TTLL6: variants seen among roughly 807,000 people sequenced by gnomAD.
TTLL6 encodes the protein tubulin polyglutamylase TTLL6.
A neutral mutation model predicts 96.4 loss-of-function variants in TTLL6; 75 were observed. The observed-to-expected ratio is 0.78, with a 90% CI of 0.65 to 0.94. The LOEUF is 0.94. TTLL6 is among the 40% of genes least tolerant of loss of function. TTLL6 has a pLI of 0.00. For missense variants in TTLL6, 1,030 were observed against 1,093.0 expected (o/e 0.94, Z 0.81); for synonymous variants, 411 against 419.4 (o/e 0.98, Z 0.24).
At chr17:48,816,810 A>T (rs896361642) in intron 1 of TTLL6, among the ~76,000 whole-genome samples, 160 bp downstream of exon 1, 2 of 152,102 alleles carry the variant, frequency 1.3e-5, no homozygotes, top group African/African-American at 4.8e-5. Context: ...CGTGAGGGTG[A>T]GTGCCTGGCG....
chr17:48,804,597 A>G (rs2039477422), intron 2 of TTLL6, 175 bp downstream of exon 2: 1 of 666,044 alleles, frequency 1.5e-6, no homozygotes, highest in Non-Finnish European at 2.7e-6. Context: ...TTGATTCTAT[A>G]AAACAGATCA....
At chr17:48,794,818 T>A (rs1012035153) in intron 8 of TTLL6, among the ~76,000 whole-genome samples, 1 of 152,204 alleles carries the variant, frequency 6.6e-6, no homozygotes, top group African/African-American at 2.4e-5. Flanking sequence ...CAGAGGTCCT[T>A]TGAAGCCTGG....
chr17:48,766,870 T>G (rs527586544), intron 15 of TTLL6, among the ~76,000 whole-genome samples: 27 of 152,338 alleles, frequency 1.8e-4, no homozygotes, highest in Admixed American at 1.3e-3. Flanking sequence ...AACAGGCTCC[T>G]CTGCCCAGGC....
At chr17:48,798,900 G>A (rs1254143470) in intron 6 of TTLL6, among the ~76,000 whole-genome samples, 1 of 147,762 alleles carries the variant, frequency 6.8e-6, no homozygotes, top group Non-Finnish European at 1.5e-5. Flanking sequence ...CACAATCTTG[G>A]CTCATTGCAA....
chr17:48,774,108 A>AAAAAC (rs2038815089), intron 13 of TTLL6, among the ~76,000 whole-genome samples: 7 of 130,532 alleles, frequency 5.4e-5, no homozygotes, highest in Admixed American at 8.8e-5. Context: ...AAAAAAAAAA[A>AAAAAC]AAAACAAGAA....
chr17:48,801,984 G>C (rs1056287549), intron 3 of TTLL6, among the ~76,000 whole-genome samples: 3 of 151,312 alleles, frequency 2.0e-5, no homozygotes, highest in Non-Finnish European at 4.4e-5. Context: ...AGTCGAGGCT[G>C]CAGTGAGCCG....
chr17:48,794,052 C>A, intron 8 of TTLL6: 1 of 1,185,432 alleles, frequency 8.4e-7, no homozygotes, highest in Non-Finnish European at 1.2e-6. Context: ...ACAGGCTGAG[C>A]CCAGCAAGGG....
In TTLL6 at chr17:48,800,578, C is replaced by G. The variant is rs565444584; in HGVS notation, c.611+677G>C. Among the ~76,000 whole-genome samples the G allele has an allele frequency of 2.0e-3, 299 of 152,244 alleles. 1 individual carries two copies. The highest frequency in any genetic ancestry group is 7.0e-3 in the African/African-American group (290 of 41,530). ...CAAGGAAAGTCTGAGAACCCTGGTG[C>G]TCTTGGTTTTGGAAAGCACTGGGTG... is the stretch of plus-strand genomic sequence containing the variant. On this transcript the variant is annotated intron_variant, in intron 5 of 15. Transcript: ENST00000393382.
At position 48,802,063 on chromosome 17, in the gene TTLL6, GAAAAGAAAGAAAGA is replaced by G. The variant is rs2039426768; in HGVS notation, c.362-434_362-421del. On this transcript the variant is annotated intron_variant, in intron 3 of 15. Transcript: ENST00000393382. ...TCAAAAAAAAAAGAAAGAAAGAAAA[GAAAAGAAAGAAAGA>G]AAAAGAAAGAAAGAAAGAAAGAAAG... 5.2e-5 allele frequency among the ~76,000 whole-genome samples: 5 copies of G among 97,068 alleles called. No homozygotes were observed. In the South Asian group the frequency reaches 9.6e-4, roughly 19 times the overall value. 63.7% of individuals were successfully genotyped at this position (97,068 alleles called of 152,430 possible).
intron 13 of TTLL6, among the ~76,000 whole-genome samples, chr17:48,776,366 C>T (rs2143244727): frequency 6.6e-6 from 1 of 152,246 alleles, no homozygotes; most frequent in Non-Finnish European, 1.5e-5. Context: ...GAGGCTGAGG[C>T]AGGGGAATCA....
At chr17:48,792,511 A>T (rs1027052891) in intron 8 of TTLL6, among the ~76,000 whole-genome samples, 3 of 152,198 alleles carry the variant, frequency 2.0e-5, no homozygotes, top group Admixed American at 1.3e-4. Context: ...AGGCAGTTTC[A>T]AAAGCTCACT....
At chr17:48,777,742 A>T (rs190054041) in intron 13 of TTLL6, among the ~76,000 whole-genome samples, 3,871 of 147,660 alleles carry the variant, frequency 0.026, 206 homozygotes, top group African/African-American at 0.091. Flanking sequence ...AAAAAAAAAA[A>T]ATATACAAAA....
At position 48,803,878 on chromosome 17, in the gene TTLL6, T is replaced by G. The variant is rs2039465222; in HGVS notation, c.361+13A>C. The G allele has an allele frequency of 1.3e-6, 2 of 1,551,964 alleles. No individual in the cohort carries two copies. The highest frequency in any genetic ancestry group is 1.7e-6 in the Non-Finnish European group (2 of 1,147,022). On this transcript the variant is annotated intron_variant, in intron 3 of 15. Transcript: ENST00000393382. Reference sequence around the variant, plus strand: ...GGGTCCCCATTATAGATCTCCTGAATGTAGATGCTCACCACTCTCATACCG... The same window carrying G: ...GGGTCCCCATTATAGATCTCCTGAAGGTAGATGCTCACCACTCTCATACCG...
chr17:48,765,334 C>T (rs1186592000), intron 15 of TTLL6, among the ~76,000 whole-genome samples: 2 of 152,052 alleles, frequency 1.3e-5, no homozygotes, highest in Non-Finnish European at 2.9e-5. Flanking sequence ...ATCGTTTGAG[C>T]CCTGGAGTTT....
chr17:48,789,473 A>G (rs1318968249), intron 10 of TTLL6, among the ~76,000 whole-genome samples: 1 of 152,206 alleles, frequency 6.6e-6, no homozygotes, highest in Non-Finnish European at 1.5e-5. Context: ...TCATAGAAAG[A>G]TCACTGAGGC....
chr17:48,803,483 CAAAAAAAAAAACA>C (rs904935915), intron 3 of TTLL6, among the ~76,000 whole-genome samples: 75 of 55,196 alleles, frequency 1.4e-3, no homozygotes, highest in African/African-American at 4.5e-3. Flanking sequence ...GATTCCGTGT[CAAAAAAAAAAACA>C]AAAAAAAAAA....
At chr17:48,789,161 C>G (rs886386297) in intron 10 of TTLL6, among the ~76,000 whole-genome samples, 3 of 151,448 alleles carry the variant, frequency 2.0e-5, no homozygotes, top group Non-Finnish European at 4.4e-5. Context: ...CTGGTAATTC[C>G]TAAAGCTTCA....
chr17:48,772,225 C>T (rs2038762136), intron 13 of TTLL6, among the ~76,000 whole-genome samples: 1 of 152,170 alleles, frequency 6.6e-6, no homozygotes, highest in South Asian at 2.1e-4. Flanking sequence ...TGGCTCATAC[C>T]TATAATCCCA....
intron 12 of TTLL6, 101 bp downstream of exon 12, chr17:48,786,063 G>A: frequency 6.5e-7 from 1 of 1,530,922 alleles, no homozygotes; most frequent in Non-Finnish European, 8.8e-7. Context: ...GCCTTTCGGT[G>A]TGTCTGGGCT....
Sources: allele counts gnomAD v4.1 joint callset (sites outside exome capture counted in the v4.1 genomes callset), GRCh38; gene constraint gnomAD v4.1.1; transcripts MANE v1.5; gene names NCBI Gene and HGNC (gene_info 2026-07-23, HGNC 2026-07-21).